Variants in CASD1 observed in about 807,000 individuals in gnomAD.
CASD1 encodes the protein N-acetylneuraminate (7)9-O-acetyltransferase.
Under a neutral mutation model 100.0 loss-of-function variants are expected in CASD1, and 41 were observed. The ratio of observed to expected loss-of-function variants is 0.41; its 90% CI spans 0.32 to 0.53. The LOEUF is 0.53. Among genes scored for constraint, CASD1 ranks in the 20% least tolerant of loss-of-function variants. The pLI, the probability that CASD1 is intolerant of heterozygous loss-of-function variation, is 0.25. For missense variants in CASD1, 774 were observed against 948.7 expected (o/e 0.82, Z 2.42); for synonymous variants, 321 against 315.6 (o/e 1.02, Z -0.18).
At chr7:94,561,254 A>T (rs1426809980), downstream of CASD1, among the ~76,000 whole-genome samples, 1 of 152,160 alleles carries the variant, frequency 6.6e-6, no homozygotes, top group Non-Finnish European at 1.5e-5. Context: ...CTCAAAAAAA[A>T]ATTAATATCC....
At chr7:94,626,523 T>A in the CASD1 span, 1 of 152,042 alleles carries the variant, frequency 6.6e-6, no homozygotes, top group Non-Finnish European at 1.5e-5. Context: ...AACGTGTATT[T>A]TCTCAATACA....
At chr7:94,569,499 G>A in the CASD1 span, among the ~76,000 whole-genome samples, 5 of 152,150 alleles carry the variant, frequency 3.3e-5, no homozygotes, top group Non-Finnish European at 7.4e-5. Context: ...CTGTCACCCA[G>A]GCTGGAGAGC....
chr7:94,535,170 A>G (rs1277885909), intron 7 of CASD1, 139 bp from the exon 8 acceptor site: 1 of 622,466 alleles, frequency 1.6e-6, no homozygotes, highest in African/African-American at 1.9e-5. Context: ...CTTTGCGTAA[A>G]AATGAACTAT....
intron 13 of CASD1, among the ~76,000 whole-genome samples, chr7:94,549,029 C>T (rs914007037): frequency 1.6e-4 from 25 of 151,880 alleles, no homozygotes; most frequent in African/African-American, 5.8e-4. Context: ...ACTCTTTTAA[C>T]TCAAATAGTT....
At chr7:94,516,148 A>G (rs1199448520) in intron 1 of CASD1, among the ~76,000 whole-genome samples, 3 of 106,582 alleles carry the variant, frequency 2.8e-5, no homozygotes, top group Non-Finnish European at 6.7e-5. Flanking sequence ...AAAATCTTTG[A>G]AATACAAAAA....
chr7:94,598,586 G>A, the CASD1 span: 4 of 606,716 alleles, frequency 6.6e-6, no homozygotes, highest in East Asian at 1.1e-4. Flanking sequence ...GGGAAAAAAA[G>A]TGCATTTCCT....
the CASD1 span, among the ~76,000 whole-genome samples, chr7:94,571,066 C>T: frequency 2.9e-5 from 4 of 139,658 alleles, no homozygotes; most frequent in African/African-American, 1.1e-4. Context: ...TCTTTTTAGA[C>T]AGAGTCTCAC....
In CASD1 at chr7:94,510,105, C is replaced by T. The variant is rs974229482; in HGVS notation, c.21C>T (p.Asn7=). The part of the protein sequence containing the change: MAALAY[N]LGKREINHYF... ...CCAAGATGGCGGCTCTGGCCTACAA[C>T]CTGGGCAAGCGGGAGATCAACCACT... Residue 7 remains asparagine, a synonymous_variant, in exon 1 of 18, where the codon AAC becomes AAT. Coordinates refer to ENST00000297273, the MANE Select transcript of CASD1 (RefSeq NM_022900.5). 10 of 1,529,338 alleles carry T rather than the reference C, an allele frequency of 6.5e-6. No individual in the cohort carries two copies. Among genetic ancestry groups the T allele is most frequent in the Admixed American group, 2.1e-5 (1 of 48,714 alleles). 94.7% of individuals were successfully genotyped at this position (1,529,338 alleles called of 1,614,324 possible). A position where few individuals can be genotyped will look rare whatever the true frequency, so the allele number is the denominator to read the frequency against.
chr7:94,618,793 G>C, the CASD1 span: 1 of 1,613,990 alleles, frequency 6.2e-7, no homozygotes, highest in East Asian at 2.2e-5. Context: ...GTGGCACCCT[G>C]CCACCCCTGT....
At chr7:94,572,383 T>G in the CASD1 span, among the ~76,000 whole-genome samples, 5 of 152,196 alleles carry the variant, frequency 3.3e-5, no homozygotes, top group African/African-American at 9.7e-5. Flanking sequence ...GAAGACAACA[T>G]ATAGTTGGAT....
At chr7:94,536,745 G>T (rs746724190) in intron 8 of CASD1, among the ~76,000 whole-genome samples, 1 of 152,130 alleles carries the variant, frequency 6.6e-6, no homozygotes, top group African/African-American at 2.4e-5. Flanking sequence ...TTCCACAGAT[G>T]CCTAAACTAT....
chr7:94,565,318 C>A, the CASD1 span, among the ~76,000 whole-genome samples: 1 of 152,110 alleles, frequency 6.6e-6, no homozygotes, highest in South Asian at 2.1e-4. Flanking sequence ...GCGTAATAGA[C>A]CTGCCTTGGC....
chr7:94,553,872 A>G (rs1441076160), intron 16 of CASD1: 1 of 152,116 alleles, frequency 6.6e-6, no homozygotes, highest in Non-Finnish European at 1.5e-5. Flanking sequence ...ACCTGGTACA[A>G]AAGGACAGGG....
chr7:94,509,995 G>T lies in CASD1; in HGVS notation c.-90G>T, dbSNP rs893017852. On this transcript the variant is annotated 5_prime_UTR_variant, in exon 1 of 18. Transcript: ENST00000297273. ...CCTGGGGAGCTGGCGGCCGCTCCTC[G>T]CCTGGCTGCAGCGGCGGCAGCCCCA... 1.6e-6 allele frequency: 2 copies of T among 1,281,578 alleles called. No individual in the cohort carries two copies. Among genetic ancestry groups the T allele is most frequent in the Non-Finnish European group, 2.0e-6 (2 of 1,001,734 alleles). The allele number at this position is 1,281,578 out of a possible 1,614,324, so 79.4% of individuals were successfully genotyped here.
At chr7:94,568,297 A>G in the CASD1 span, among the ~76,000 whole-genome samples, 1 of 152,204 alleles carries the variant, frequency 6.6e-6, no homozygotes, top group Non-Finnish European at 1.5e-5. Context: ...GGATTGTTTA[A>G]TAAATAATAC....
downstream of CASD1, among the ~76,000 whole-genome samples, chr7:94,559,545 A>T (rs896760796): frequency 1.3e-5 from 2 of 152,050 alleles, no homozygotes; most frequent in Admixed American, 1.3e-4. Context: ...TTTTGTTTTG[A>T]GAGGCAGTCT....
At chr7:94,614,270 AG>A in the CASD1 span, among the ~76,000 whole-genome samples, 2 of 152,130 alleles carry the variant, frequency 1.3e-5, no homozygotes, top group Non-Finnish European at 2.9e-5. Flanking sequence ...ATCCTCTGGC[AG>A]GGGAAAATGG....
chr7:94,600,794 C>A, the CASD1 span: 7 of 1,613,388 alleles, frequency 4.3e-6, no homozygotes, highest in Non-Finnish European at 5.9e-6. Flanking sequence ...TCTCCACCAT[C>A]AGGTAAAATC....
At chr7:94,566,892 G>A in the CASD1 span, among the ~76,000 whole-genome samples, 19 of 151,972 alleles carry the variant, frequency 1.3e-4, no homozygotes, top group African/African-American at 9.7e-5. Context: ...ACTACCCCTC[G>A]GCTCATCATG....
Sources: allele counts gnomAD v4.1 joint callset (sites outside exome capture counted in the v4.1 genomes callset), GRCh38; gene constraint gnomAD v4.1.1; transcripts MANE v1.5; gene names NCBI Gene and HGNC (gene_info 2026-07-23, HGNC 2026-07-21).